INTS2: variants seen among roughly 807,000 people sequenced by gnomAD.
INTS2 encodes the protein KIAA1287.
Under a neutral mutation model 139.6 loss-of-function variants are expected in INTS2, and 57 were observed. The observed-to-expected ratio is 0.41, with a 90% CI of 0.33 to 0.51. The LOEUF (loss-of-function observed/expected upper bound fraction) is 0.51, where lower values mean the gene tolerates loss of function less well. INTS2 is among the 20% of genes least tolerant of loss of function. The probability of loss-of-function intolerance (pLI) is 0.28; values close to 1 mark genes in which losing one functional copy is unlikely to be tolerated. For synonymous variants in INTS2, 473 were observed against 493.4 expected (o/e 0.96, Z 0.55); for missense variants, 1,196 against 1,436.7 (o/e 0.83, Z 2.71).
chr17:61,891,607 GA>G lies in INTS2; in HGVS notation c.1780del (p.Ser594LeufsTer62). On this transcript the variant is annotated frameshift_variant, in exon 14 of 25. Coordinates refer to ENST00000251334, the MANE Select transcript of INTS2 (RefSeq NM_001351695.2). LOFTEE classifies it high-confidence loss of function. The stretch of plus-strand genomic sequence containing the variant: ...AGATTTCGACGCAGGAGTAAGTATA[GA>G]ATTTATGTACACATCAATCAAAGGA... ...LLPLIDVYIN[S>X]ILTPASKSNP... The G allele has an allele frequency of 1.2e-6, 2 of 1,613,122 alleles. No individual in the cohort carries two copies. Among genetic ancestry groups the G allele is most frequent in the Non-Finnish European group, 1.7e-6 (2 of 1,179,198 alleles).
intron 5 of INTS2, among the ~76,000 whole-genome samples, chr17:61,914,143 G>A (rs1231327098): frequency 1.3e-5 from 2 of 150,236 alleles, no homozygotes; most frequent in African/African-American, 2.5e-5. Flanking sequence ...ACAAGAAATC[G>A]ACCTTAAGAT....
At chr17:61,919,928 T>C (rs72843760) in intron 4 of INTS2, among the ~76,000 whole-genome samples, 5 of 152,236 alleles carry the variant, frequency 3.3e-5, no homozygotes, top group East Asian at 1.9e-4. Flanking sequence ...TAAATATCTT[T>C]TGACATTTCA....
chr17:61,877,169 T>C (rs72843743), intron 18 of INTS2, among the ~76,000 whole-genome samples: 8,306 of 152,172 alleles, frequency 0.055, 310 homozygotes, highest in Middle Eastern at 0.15. Flanking sequence ...AATTTCTAAA[T>C]TGGAAAATCA....
chr17:61,894,694 A>C (rs375038436), intron 12 of INTS2, among the ~76,000 whole-genome samples: 1 of 152,250 alleles, frequency 6.6e-6, no homozygotes, highest in East Asian at 1.9e-4. Flanking sequence ...TCTACTAAAA[A>C]TACAAAAATT....
At chr17:61,889,037 A>C (rs1424088572) in intron 15 of INTS2, among the ~76,000 whole-genome samples, 1 of 151,718 alleles carries the variant, frequency 6.6e-6, no homozygotes, top group Non-Finnish European at 1.5e-5. Flanking sequence ...AAAAAACAAA[A>C]AACAAAAAAC....
At chr17:61,899,464 C>T (rs1476366019) in intron 9 of INTS2, among the ~76,000 whole-genome samples, 2 of 151,936 alleles carry the variant, frequency 1.3e-5, no homozygotes, top group African/African-American at 2.4e-5. Context: ...GTTGGCCAGG[C>T]TGGTCTCGAA....
intron 4 of INTS2, among the ~76,000 whole-genome samples, 186 bp from the exon 5 acceptor site, chr17:61,919,699 C>T (rs1301160671): frequency 1.3e-5 from 2 of 152,158 alleles, no homozygotes; most frequent in Non-Finnish European, 2.9e-5. Flanking sequence ...CATAAGCCAC[C>T]ATGCCTGGAC....
At chr17:61,874,513 G>A (rs1169981476) in intron 19 of INTS2, among the ~76,000 whole-genome samples, 1 of 152,182 alleles carries the variant, frequency 6.6e-6, no homozygotes, top group Non-Finnish European at 1.5e-5. Flanking sequence ...AATCAATGAA[G>A]CTAACATCAC....
Position 61,869,164 on chromosome 17 carries a change from C to A in INTS2, c.3139-25G>T. ...TCTGCAATACAAAATCCAGTTATTACATGTTTCTCAAGAATATCTTTAGGT... is the reference window on the plus strand; with the variant it reads ...TCTGCAATACAAAATCCAGTTATTAAATGTTTCTCAAGAATATCTTTAGGT... On this transcript the variant is annotated intron_variant, in intron 22 of 24. Coordinates refer to ENST00000251334, the MANE Select transcript of INTS2 (RefSeq NM_001351695.2). This position sits in a 1 kb window ranked among gnomAD's most constrained non-coding sequence, Gnocchi z 5.4. 7.2e-6 allele frequency: 11 copies of A among 1,519,918 alleles called. No individual in the cohort carries two copies. Among genetic ancestry groups the A allele is most frequent in the Non-Finnish European group, 1.0e-5 (11 of 1,097,120 alleles). The allele number at this position is 1,519,918 out of a possible 1,614,324, so 94.2% of individuals were successfully genotyped here.
chr17:61,896,272 T>C (rs1567903421), intron 11 of INTS2, among the ~76,000 whole-genome samples: 1 of 147,418 alleles, frequency 6.8e-6, no homozygotes, highest in Non-Finnish European at 1.5e-5. Flanking sequence ...ACATTTAATA[T>C]ACTACATAAA....
In INTS2 at chr17:61,869,974, G is replaced by A; in HGVS notation, c.2793C>T (p.Val931=). The A allele has an allele frequency of 6.2e-7, 1 of 1,613,358 alleles. No individual in the cohort carries two copies. The highest frequency in any genetic ancestry group is 8.5e-7 in the Non-Finnish European group (1 of 1,179,718). ...GTAGGCAAATCTCTAAGAGAATCTG[G>A]ACAGCTGCACTATCCTATAAGCAAA... The part of the protein sequence containing the change: ...ALLAAQDSAA[V]QILLEICLPT... Residue 931 remains valine, a synonymous_variant, in exon 21 of 25, where the codon GTC becomes GTT. Coordinates refer to ENST00000251334, the MANE Select transcript of INTS2 (RefSeq NM_001351695.2). This position sits in a 1 kb window ranked among gnomAD's most constrained non-coding sequence, Gnocchi z 5.4.
intron 16 of INTS2, among the ~76,000 whole-genome samples, chr17:61,883,456 A>G (rs2079195882): frequency 6.6e-6 from 1 of 152,014 alleles, no homozygotes; most frequent in Non-Finnish European, 1.5e-5. Flanking sequence ...ACCAACCATA[A>G]TAAAGAAAAA....
intron 8 of INTS2, among the ~76,000 whole-genome samples, chr17:61,905,586 A>G (rs1172066661): frequency 6.6e-6 from 1 of 152,194 alleles, no homozygotes; most frequent in African/African-American, 2.4e-5. Context: ...TTGGCCTCCC[A>G]GAGCGCTCGG....
chr17:61,916,800 T>A (rs1171439957), intron 5 of INTS2, among the ~76,000 whole-genome samples: 1 of 152,118 alleles, frequency 6.6e-6, no homozygotes, highest in Non-Finnish European at 1.5e-5. Flanking sequence ...TTGACAAGTG[T>A]GACCTATTTA....
chr17:61,927,589 A>G, intron 1 of INTS2, 65 bp downstream of exon 1: 1 of 1,196,986 alleles, frequency 8.4e-7, no homozygotes, highest in Non-Finnish European at 1.1e-6. Flanking sequence ...GGCTGAGCAA[A>G]GTCTGGCCAG....
rs2145930915 is a variant in INTS2, at chr17:61,893,666, A to G, written c.1698+99T>C. 1.1e-6 allele frequency: 1 copy of G among 887,890 alleles called. No homozygotes were observed. Among genetic ancestry groups the G allele is most frequent in the South Asian group, 3.6e-5 (1 of 27,794 alleles). 55.0% of individuals were successfully genotyped at this position (887,890 alleles called of 1,614,324 possible). On this transcript the variant is annotated intron_variant, in intron 13 of 24. Transcript: ENST00000251334. This position sits in a 1 kb window ranked among gnomAD's most constrained non-coding sequence, Gnocchi z 5.4. ...GCCAAGACTGCACCACTGCACTCCA[A>G]CCTGGGTGACTGAGCAAGACTCCAT...
intron 4 of INTS2, among the ~76,000 whole-genome samples, chr17:61,920,140 G>C (rs2079623811): frequency 6.7e-6 from 1 of 149,044 alleles, no homozygotes; most frequent in Non-Finnish European, 1.5e-5. Flanking sequence ...TTATTTTATA[G>C]AACTGGTCTA....
intron 19 of INTS2, among the ~76,000 whole-genome samples, chr17:61,874,533 T>C (rs955358626): frequency 6.6e-6 from 1 of 152,200 alleles, no homozygotes; most frequent in Non-Finnish European, 1.5e-5. Context: ...CTATTGTGCA[T>C]GCCAAAAAGA....
At chr17:61,915,704 G>A (rs1360299139) in intron 5 of INTS2, among the ~76,000 whole-genome samples, 1 of 148,404 alleles carries the variant, frequency 6.7e-6, no homozygotes. Context: ...GGTGGCGGGT[G>A]CCTGTAGTCC....
Sources: gnomAD v4.1 joint callset for allele counts (sites outside exome capture counted in the v4.1 genomes callset) on GRCh38, gnomAD v4.1.1 for gene constraint, Gnocchi (gnomAD v3.1) non-coding constraint, MANE v1.5 for transcripts, NCBI Gene and HGNC (gene_info 2026-07-23, HGNC 2026-07-21) for gene names.